Variants in SLC35F3 observed in about 807,000 individuals in gnomAD.
SLC35F3 encodes the protein putative thiamine transporter SLC35F3.
SLC35F3 carries 25 observed loss-of-function variants against 49.9 expected under a neutral mutation model. That is an observed-to-expected ratio of 0.50 (90% CI 0.37 to 0.70). The LOEUF is 0.70. Ranked by LOEUF, SLC35F3 falls within the 30% of genes least tolerant of loss-of-function variation. The pLI, the probability that SLC35F3 is intolerant of heterozygous loss-of-function variation, is 0.00. For missense variants in SLC35F3, 525 were observed against 639.8 expected, an observed-to-expected ratio of 0.82 and a Z score of 1.94; for synonymous variants, 275 against 265.4, an observed-to-expected ratio of 1.04 and a Z score of -0.35.
At chr1:234,014,745 A>AAATG (rs1260313777) in intron 2 of SLC35F3, among the ~76,000 whole-genome samples, 1 of 152,238 alleles carries the variant, frequency 6.6e-6, no homozygotes, top group East Asian at 1.9e-4. Context: ...AAACAAAATA[A>AAATG]AATGCATAGG....
intron 3 of SLC35F3, among the ~76,000 whole-genome samples, chr1:234,289,177 G>A (rs572025514): frequency 1.3e-5 from 2 of 152,186 alleles, no homozygotes; most frequent in African/African-American, 4.8e-5. Flanking sequence ...GGGGTCCTGG[G>A]GCATACAAAA....
At chr1:234,179,178 A>G (rs747752180) in intron 2 of SLC35F3, among the ~76,000 whole-genome samples, 84 of 152,178 alleles carry the variant, frequency 5.5e-4, no homozygotes, top group African/African-American at 1.8e-3. Context: ...AGACCTGAGT[A>G]GAATAGAACT....
At chr1:234,162,030 C>A (rs1420708877) in intron 2 of SLC35F3, among the ~76,000 whole-genome samples, 1 of 152,114 alleles carries the variant, frequency 6.6e-6, no homozygotes, top group Non-Finnish European at 1.5e-5. Context: ...CAGGTCTAAT[C>A]GACCTGTGCT....
chr1:234,219,406 C>T (rs1667169162), intron 2 of SLC35F3, among the ~76,000 whole-genome samples: 2 of 152,202 alleles, frequency 1.3e-5, no homozygotes, highest in Admixed American at 6.5e-5. Context: ...TGGCAAAAGT[C>T]ATTCATGTAG....
intron 2 of SLC35F3, among the ~76,000 whole-genome samples, chr1:234,039,240 G>A (rs1445088085): frequency 1.3e-5 from 2 of 152,160 alleles, no homozygotes; most frequent in Non-Finnish European, 2.9e-5. Flanking sequence ...GGGACTGAAA[G>A]GAGCATACAG....
chr1:233,942,667 G>A (rs1662448236), intron 2 of SLC35F3, among the ~76,000 whole-genome samples: 2 of 152,106 alleles, frequency 1.3e-5, no homozygotes, highest in African/African-American at 4.8e-5. Flanking sequence ...GCCCGCCTTG[G>A]CCTCCAAAGT....
At chr1:234,203,527 A>G (rs981600408) in intron 2 of SLC35F3, among the ~76,000 whole-genome samples, 9 of 152,218 alleles carry the variant, frequency 5.9e-5, no homozygotes, top group African/African-American at 2.2e-4. Flanking sequence ...CCTGACCAAT[A>G]TGGTGAAACC....
chr1:234,010,545 G>A (rs1395715665), intron 2 of SLC35F3, among the ~76,000 whole-genome samples: 4 of 152,246 alleles, frequency 2.6e-5, no homozygotes, highest in African/African-American at 9.6e-5. Flanking sequence ...AAAAGACAGA[G>A]TGGCTGGTTG....
At chr1:234,184,403 C>T (rs1247152107) in intron 2 of SLC35F3, among the ~76,000 whole-genome samples, 1 of 152,128 alleles carries the variant, frequency 6.6e-6, no homozygotes, top group Non-Finnish European at 1.5e-5. Flanking sequence ...TGGAATGAAG[C>T]ATGTTTTGAG....
At chr1:234,321,775 T>C (rs1319053842) in intron 7 of SLC35F3, among the ~76,000 whole-genome samples, 1 of 152,186 alleles carries the variant, frequency 6.6e-6, no homozygotes, top group Non-Finnish European at 1.5e-5. Flanking sequence ...ATCTCACTTG[T>C]CAAGGCAGAG....
In SLC35F3 at chr1:234,021,703, G is replaced by A. The variant is rs575075562; in HGVS notation, c.283+115945G>A. ...TTAAGGACTTTCACATTGCCTTTGGGAACCTGTAGGGTCTGCAACCTCCCT... is the reference window on the plus strand; with the variant it reads ...TTAAGGACTTTCACATTGCCTTTGGAAACCTGTAGGGTCTGCAACCTCCCT... On this transcript the variant is annotated intron_variant, in intron 2 of 7. Coordinates refer to ENST00000366618, the MANE Select transcript of SLC35F3 (RefSeq NM_173508.4). Among the ~76,000 whole-genome samples, 9 of 152,236 alleles carry A rather than the reference G, an allele frequency of 5.9e-5. No homozygotes were observed. In the South Asian group the frequency reaches 1.9e-3, roughly 32 times the overall value.
chr1:233,930,013 G>A (rs1276994281), intron 2 of SLC35F3, among the ~76,000 whole-genome samples: 3 of 152,114 alleles, frequency 2.0e-5, no homozygotes, highest in Non-Finnish European at 2.9e-5. Context: ...GCTAGGTGCA[G>A]TGGTTCACGA....
intron 2 of SLC35F3, among the ~76,000 whole-genome samples, chr1:234,207,036 G>T (rs879896184): frequency 1.3e-5 from 2 of 152,110 alleles, no homozygotes; most frequent in Admixed American, 1.3e-4. Flanking sequence ...ACGAGGATCC[G>T]ATTTAGGTCA....
rs78177174 is a variant in SLC35F3, at chr1:233,964,857, G to T, written c.283+59099G>T. ...CCCTCTTGAGGACATGTTACCAACT[G>T]CTGTGATTGAGAATTCAGGGGACCA... On this transcript the variant is annotated intron_variant, in intron 2 of 7. Transcript: ENST00000366618. Among the ~76,000 whole-genome samples, 1,448 of 152,294 alleles carry T rather than the reference G, an allele frequency of 9.5e-3. 22 individuals are homozygous for T. The highest frequency in any genetic ancestry group is 0.033 in the African/African-American group (1,384 of 41,554).
At chr1:234,197,623 G>A (rs1161555785) in intron 2 of SLC35F3, among the ~76,000 whole-genome samples, 2 of 152,338 alleles carry the variant, frequency 1.3e-5, no homozygotes, top group Admixed American at 6.5e-5. Context: ...GGGGAAGTGA[G>A]AGGGGCAGTT....
intron 2 of SLC35F3, among the ~76,000 whole-genome samples, chr1:234,223,207 A>G (rs1395568489): frequency 6.6e-6 from 1 of 152,148 alleles, no homozygotes; most frequent in African/African-American, 2.4e-5. Context: ...GACCTTTGAG[A>G]GTTATTCGGG....
chr1:234,195,251 C>T (rs1177253815), intron 2 of SLC35F3, among the ~76,000 whole-genome samples: 2 of 152,194 alleles, frequency 1.3e-5, no homozygotes, highest in Non-Finnish European at 2.9e-5. Context: ...AAAATCAGAC[C>T]ATCCCAGCCT....
intron 2 of SLC35F3, among the ~76,000 whole-genome samples, chr1:233,946,231 A>G (rs553088494): frequency 6.6e-6 from 1 of 152,340 alleles, no homozygotes; most frequent in East Asian, 1.9e-4. Context: ...GGCACTGAAG[A>G]TGCTGTTGAT....
rs906171620 is a variant in SLC35F3, at chr1:234,020,473, ATTTCTTT to A, written c.283+114729_283+114735del. On this transcript the variant is annotated intron_variant, in intron 2 of 7. Transcript: ENST00000366618. ...ATATGCAGGAAACACACTACCTTTT[ATTTCTTT>A]TTTCTTTTTTCTTCTTCCTCTCTGT... 3.3e-5 allele frequency among the ~76,000 whole-genome samples: 5 copies of A among 151,830 alleles called. No homozygotes were observed. The South Asian group carries it at 6.2e-4, about 19-fold the overall frequency.
Sources: gnomAD v4.1 joint callset for allele counts (sites outside exome capture counted in the v4.1 genomes callset) on GRCh38, gnomAD v4.1.1 for gene constraint, MANE v1.5 for transcripts, NCBI Gene and HGNC (gene_info 2026-07-23, HGNC 2026-07-21) for gene names.